The following TMPRSS9 variants were observed in gnomAD, a reference collection of about 807,000 sequenced individuals.
The protein encoded by TMPRSS9 is transmembrane protease serine 9.
In TMPRSS9, 113 loss-of-function variants were observed where a neutral mutation model predicts 111.4. That is an observed-to-expected ratio of 1.01 (90% CI 0.87 to 1.19). The LOEUF is 1.19. TMPRSS9 is among the 50% of genes most tolerant of loss of function. TMPRSS9 has a pLI of 0.00. For synonymous variants in TMPRSS9, 805 were observed against 659.1 expected (o/e 1.22, Z -3.39); for missense variants, 1,803 against 1,513.1 (o/e 1.19, Z -3.18).
At position 2,370,255 on chromosome 19, in the gene TMPRSS9, T is replaced by G. The variant is rs1433123814; in HGVS notation, c.-26+9895T>G. On this transcript the variant is annotated intron_variant, in intron 1 of 17. Coordinates refer to the TMPRSS9 transcript ENST00000649857. Reference sequence around the variant, plus strand: ...TAACACGGTGAAACCCTGTCTCTACTAAAAATAACAAAAAAATTAGCCAGG... The same window carrying G: ...TAACACGGTGAAACCCTGTCTCTACGAAAAATAACAAAAAAATTAGCCAGG... Among the ~76,000 whole-genome samples the G allele has an allele frequency of 2.1e-5, 3 of 141,800 alleles. No individual in the cohort carries two copies. The East Asian group carries it at 6.6e-4, about 31-fold the overall frequency. 93.0% of individuals were successfully genotyped at this position (141,800 alleles called of 152,430 possible).
At chr19:2,407,329 C>T (rs1599301068) in intron 7 of TMPRSS9, among the ~76,000 whole-genome samples, 1 of 151,442 alleles carries the variant, frequency 6.6e-6, no homozygotes, top group Non-Finnish European at 1.5e-5. Flanking sequence ...TGAGACCAGC[C>T]TGGCCAACAT....
intron 4 of TMPRSS9, among the ~76,000 whole-genome samples, chr19:2,401,015 C>T (rs1481641053): frequency 6.6e-6 from 1 of 151,412 alleles, no homozygotes; most frequent in East Asian, 1.9e-4. Context: ...TGGCTTACGC[C>T]TGTAATCCCA....
chr19:2,394,638 T>C (rs1397710603), intron 1 of TMPRSS9, among the ~76,000 whole-genome samples: 1 of 152,156 alleles, frequency 6.6e-6, no homozygotes, highest in Non-Finnish European at 1.5e-5. Flanking sequence ...GTTTTTAGAA[T>C]TGGTTCAGAA....
chr19:2,423,625 C>T (rs1001156617), intron 14 of TMPRSS9, among the ~76,000 whole-genome samples: 4 of 152,156 alleles, frequency 2.6e-5, no homozygotes, highest in Admixed American at 2.0e-4. Flanking sequence ...CTGGAAACCA[C>T]CCACGTGTTC....
At chr19:2,392,397 TAAAAA>T (rs1970616807) in intron 1 of TMPRSS9, among the ~76,000 whole-genome samples, 1 of 147,666 alleles carries the variant, frequency 6.8e-6, no homozygotes, top group Admixed American at 6.8e-5. Context: ...TGATAAAAAA[TAAAAA>T]AGAAAAAGAA....
chr19:2,381,068 G>A (rs1970381672), intron 1 of TMPRSS9, among the ~76,000 whole-genome samples: 1 of 152,064 alleles, frequency 6.6e-6, no homozygotes. Context: ...GTAGCATCAT[G>A]TTAATGGATC....
intron 13 of TMPRSS9, among the ~76,000 whole-genome samples, chr19:2,419,158 C>G (rs1043590902): frequency 8.0e-6 from 1 of 125,474 alleles, no homozygotes; most frequent in African/African-American, 3.2e-5. Flanking sequence ...CCTTCCCTCC[C>G]TACCTTTCCT....
chr19:2,401,464 C>T (rs910388533), intron 4 of TMPRSS9, among the ~76,000 whole-genome samples: 3 of 152,220 alleles, frequency 2.0e-5, no homozygotes, highest in Middle Eastern at 3.4e-3. Flanking sequence ...GAGTGCTCCC[C>T]GTGGGGCAAG....
intron 9 of TMPRSS9, 45 bp from the exon 11 acceptor site, chr19:2,413,655 C>A: frequency 6.4e-7 from 1 of 1,560,632 alleles, no homozygotes; most frequent in Non-Finnish European, 8.7e-7. Flanking sequence ...GGTGTCTGGA[C>A]TGGCTGCTGC....
At chr19:2,361,374 G>GGGGCTGGGGTGGGAGGC (rs1970196814) in intron 1 of TMPRSS9, among the ~76,000 whole-genome samples, 3 of 121,024 alleles carry the variant, frequency 2.5e-5, no homozygotes, top group Non-Finnish European at 3.5e-5. Context: ...GGGTGGGAGG[G>GGGGCTGGGGTGGGAGGC]GGGGCTGGGG....
intron 10 of TMPRSS9, 120 bp downstream of exon 11, chr19:2,414,138 T>C (rs562763399): frequency 6.1e-5 from 65 of 1,067,898 alleles, no homozygotes; most frequent in Admixed American, 8.6e-5. Flanking sequence ...AGGTCACATG[T>C]GTATCCGTTT....
chr19:2,402,686 C>T (rs912356610), intron 5 of TMPRSS9, among the ~76,000 whole-genome samples: 3 of 151,934 alleles, frequency 2.0e-5, no homozygotes, highest in African/African-American at 7.3e-5. Context: ...TGCGGTGAGC[C>T]GCGATTGTGC....
At chr19:2,372,359 C>T (rs564466108) in intron 1 of TMPRSS9, among the ~76,000 whole-genome samples, 66 of 150,244 alleles carry the variant, frequency 4.4e-4, no homozygotes, top group South Asian at 2.1e-3. Flanking sequence ...CACCCTCCTA[C>T]GTTGCTTTAA....
At chr19:2,386,000 A>G (rs1257887051), upstream of TMPRSS9, among the ~76,000 whole-genome samples, 2 of 152,080 alleles carry the variant, frequency 1.3e-5, no homozygotes, top group Non-Finnish European at 2.9e-5. Flanking sequence ...GCTGGAGTGC[A>G]GTGGTGTGAT....
intron 10 of TMPRSS9, among the ~76,000 whole-genome samples, chr19:2,414,402 G>C (rs1008620553): frequency 2.6e-5 from 4 of 152,024 alleles, no homozygotes; most frequent in Non-Finnish European, 5.9e-5. Flanking sequence ...ACCACACCCG[G>C]CTAATTTTTG....
In TMPRSS9 at chr19:2,402,996, C is replaced by T. The variant is rs1970884206; in HGVS notation, c.557-86C>T. ...GAGAGAGTTTCCACATTTCCGTACC[C>T]TGGTGGTACTAAGTATAGCATGGTG... On this transcript the variant is annotated intron_variant, in intron 5 of 17. Transcript: ENST00000648592. 9 of 913,058 alleles carry T rather than the reference C, an allele frequency of 9.9e-6. No individual in the cohort carries two copies. The South Asian group carries it at 1.3e-4, about 13-fold the overall frequency. The allele number at this position is 913,058 out of a possible 1,614,324, so 56.6% of individuals were successfully genotyped here. A position where few individuals can be genotyped will look rare whatever the true frequency, so the allele number is the denominator to read the frequency against.
chr19:2,417,906 G>C, intron 12 of TMPRSS9, 96 bp from the exon 14 acceptor site: 1 of 1,498,362 alleles, frequency 6.7e-7, no homozygotes, highest in Non-Finnish European at 9.1e-7. Context: ...CGTCTGTGGG[G>C]TGGGGATGCT....
intron 1 of TMPRSS9, among the ~76,000 whole-genome samples, chr19:2,393,387 G>C (rs188206667): frequency 6.6e-6 from 1 of 152,052 alleles, no homozygotes; most frequent in Admixed American, 6.6e-5. Flanking sequence ...GGTCTACAGC[G>C]TCACTCCTGA....
At chr19:2,398,748 G>A in intron 2 of TMPRSS9, 47 bp from the exon 4 acceptor site, 1 of 1,325,908 alleles carries the variant, frequency 7.5e-7, no homozygotes, top group Non-Finnish European at 1.0e-6. Flanking sequence ...GTGCCAGGGT[G>A]CCCATGCTGT....
Sources: allele counts gnomAD v4.1 joint callset (sites outside exome capture counted in the v4.1 genomes callset), GRCh38; gene constraint gnomAD v4.1.1; transcripts MANE v1.5; gene names NCBI Gene and HGNC (gene_info 2026-07-23, HGNC 2026-07-21).